Variants in CCDC60 observed in about 807,000 individuals in gnomAD.
CCDC60 encodes coiled-coil domain containing 60, also known as coiled-coil domain-containing protein 60.
Under a neutral mutation model 63.5 loss-of-function variants are expected in CCDC60, and 54 were observed. The ratio of observed to expected loss-of-function variants is 0.85; its 90% CI spans 0.68 to 1.07. The LOEUF (loss-of-function observed/expected upper bound fraction) is 1.07. CCDC60 is among the 50% of genes least tolerant of loss of function. CCDC60 has a pLI of 0.00. For synonymous variants in CCDC60, 206 were observed against 238.8 expected, an observed-to-expected ratio of 0.86 and a Z score of 1.27; for missense variants, 651 against 684.3, an observed-to-expected ratio of 0.95 and a Z score of 0.54.
At chr12:119,414,399 A>G (rs1488295989) in intron 1 of CCDC60, among the ~76,000 whole-genome samples, 2 of 151,924 alleles carry the variant, frequency 1.3e-5, no homozygotes, top group African/African-American at 4.8e-5. Flanking sequence ...TTCTCAGCAA[A>G]CCCTTCTTTA....
chr12:119,376,612 A>G (rs901580475), intron 1 of CCDC60, among the ~76,000 whole-genome samples: 1 of 152,180 alleles, frequency 6.6e-6, no homozygotes, highest in Non-Finnish European at 1.5e-5. Flanking sequence ...TGGGCAACAG[A>G]GTAAGACTTT....
intron 7 of CCDC60, among the ~76,000 whole-genome samples, chr12:119,511,699 A>C (rs1360168462): frequency 6.6e-6 from 1 of 152,170 alleles, no homozygotes; most frequent in Non-Finnish European, 1.5e-5. Flanking sequence ...ATATAATTTG[A>C]CATTTGGTGC....
intron 8 of CCDC60, among the ~76,000 whole-genome samples, chr12:119,519,403 G>GTGTA (rs1952440070): frequency 1.7e-4 from 4 of 23,530 alleles, no homozygotes; most frequent in Non-Finnish European, 2.7e-4. Flanking sequence ...TGATATATAT[G>GTGTA]TGTGTGTGTG....
intron 1 of CCDC60, among the ~76,000 whole-genome samples, chr12:119,392,644 G>A (rs1956180022): frequency 6.6e-6 from 1 of 152,154 alleles, no homozygotes; most frequent in African/African-American, 2.4e-5. Flanking sequence ...AGCACAAAGT[G>A]GTGCTCAATA....
chr12:119,352,703 G>A (rs1302664873), intron 1 of CCDC60, among the ~76,000 whole-genome samples: 8 of 152,072 alleles, frequency 5.3e-5, no homozygotes, highest in African/African-American at 1.7e-4. Context: ...TTGGGAGGCC[G>A]AAACAGGTGG....
intron 13 of CCDC60, among the ~76,000 whole-genome samples, chr12:119,535,913 T>C (rs1478049745): frequency 2.0e-5 from 3 of 152,210 alleles, no homozygotes; most frequent in Non-Finnish European, 4.4e-5. Flanking sequence ...TGGAGAGTTC[T>C]GTAGATGTCT....
At position 119,456,004 on chromosome 12, in the gene CCDC60, AAAG is replaced by A. The variant is rs1475005206; in HGVS notation, c.171-15987_171-15985del. 1.5e-5 allele frequency among the ~76,000 whole-genome samples: 1 copy of A among 66,648 alleles called. No individual in the cohort carries two copies. Among genetic ancestry groups the A allele is most frequent in the African/African-American group, 6.7e-5 (1 of 15,030 alleles). The allele number at this position is 66,648 out of a possible 152,430, so 43.7% of individuals were successfully genotyped here. A position where few individuals can be genotyped will look rare whatever the true frequency, so the allele number is the denominator to read the frequency against. The stretch of plus-strand genomic sequence containing the variant: ...GAGAGAGAAAGAGAGAGAGAAAGAG[AAAG>A]AAAGAAAGAAAGAAAGAAAGAAAGA... On this transcript the variant is annotated intron_variant, in intron 2 of 13. Transcript: ENST00000327554. This position sits in a 1 kb window ranked among gnomAD's most constrained non-coding sequence, Gnocchi z 4.6.
At chr12:119,368,948 G>A (rs4766940) in intron 1 of CCDC60, among the ~76,000 whole-genome samples, 110,422 of 152,024 alleles carry the variant, frequency 0.73, 40,520 homozygotes, top group East Asian at 0.9. Context: ...CTGAACTAAC[G>A]TCTAGAGAGG....
intron 2 of CCDC60, among the ~76,000 whole-genome samples, chr12:119,446,523 A>AT (rs1367133790): frequency 5.3e-5 from 8 of 152,208 alleles, no homozygotes. Context: ...CTATACAAAG[A>AT]TAAAAATAAA....
At chr12:119,529,072 T>C (rs986507825) in intron 12 of CCDC60, among the ~76,000 whole-genome samples, 6 of 152,136 alleles carry the variant, frequency 3.9e-5, no homozygotes, top group Non-Finnish European at 7.3e-5. Flanking sequence ...CCTGAAAATT[T>C]CTACAGATTC....
chr12:119,500,278 C>T, intron 6 of CCDC60, 110 bp downstream of exon 6: 1 of 740,404 alleles, frequency 1.4e-6, no homozygotes, highest in Non-Finnish European at 2.3e-6. Context: ...CTAGTTGGTT[C>T]TCGGAGTGAA....
chr12:119,537,158 T>G (rs1953027181), intron 13 of CCDC60, among the ~76,000 whole-genome samples: 1 of 152,230 alleles, frequency 6.6e-6, no homozygotes, highest in Non-Finnish European at 1.5e-5. Context: ...TTTCATTAAT[T>G]TGATCTTCAA....
At chr12:119,533,740 GT>G (rs1265385415) in intron 13 of CCDC60, among the ~76,000 whole-genome samples, 1 of 151,994 alleles carries the variant, frequency 6.6e-6, no homozygotes, top group Non-Finnish European at 1.5e-5. Flanking sequence ...GATGTGTGGT[GT>G]TTTTTCTGAG....
At chr12:119,527,284 G>T (rs1312569997) in intron 11 of CCDC60, among the ~76,000 whole-genome samples, 1 of 151,956 alleles carries the variant, frequency 6.6e-6, no homozygotes, top group Non-Finnish European at 1.5e-5. Flanking sequence ...GTGGGAGGAG[G>T]GGGAGGAGCA....
rs565158486 is a variant in CCDC60 at position 119,448,297 on chromosome 12, A to C, written c.170+19535A>C. 3.9e-5 allele frequency among the ~76,000 whole-genome samples: 6 copies of C among 152,330 alleles called. No homozygotes were observed. In the South Asian group the frequency reaches 1.0e-3, roughly 26 times the overall value. On this transcript the variant is annotated intron_variant, in intron 2 of 13. Coordinates refer to ENST00000327554, the MANE Select transcript of CCDC60 (RefSeq NM_178499.5). Reference sequence around the variant, plus strand: ...AAGTGGTATATCTTAAATATAAACAAATTTATTTTAAAGAGGCGATGACTC... The same window carrying C: ...AAGTGGTATATCTTAAATATAAACACATTTATTTTAAAGAGGCGATGACTC...
chr12:119,471,918 C>G, intron 2 of CCDC60, 76 bp from the exon 3 acceptor site: 1 of 1,224,196 alleles, frequency 8.2e-7, no homozygotes, highest in South Asian at 1.4e-5. Flanking sequence ...CTTTCTTTCT[C>G]TCCTTCTCTT....
At chr12:119,438,015 T>G (rs1420994851) in intron 2 of CCDC60, among the ~76,000 whole-genome samples, 1 of 152,188 alleles carries the variant, frequency 6.6e-6, no homozygotes, top group African/African-American at 2.4e-5. Flanking sequence ...TAAACACAAC[T>G]GCACACCCCA....
At position 119,472,125 on chromosome 12, in the gene CCDC60, A is replaced by G; in HGVS notation, c.302A>G (p.Glu101Gly). Residue 101 changes from glutamate to glycine, a missense_variant, in exon 3 of 14, where the codon GAA (glutamate) becomes GGA (glycine). Physicochemically the swap from Glu to Gly is moderately conservative, Grantham distance 98 (BLOSUM62 -2). Transcript: ENST00000327554. ...EEERNKFQPA[E>G]KISEIHYGDT... ...GAAAGAAATAAATTCCAGCCAGCCG[A>G]AAAGATCTCAGAAATCCACTATGGG... 6.2e-7 allele frequency: 1 copy of G among 1,614,198 alleles called. No individual in the cohort carries two copies. The highest frequency in any genetic ancestry group is 8.5e-7 in the Non-Finnish European group (1 of 1,180,016).
chr12:119,397,755 C>T (rs866624245), intron 1 of CCDC60, among the ~76,000 whole-genome samples: 56 of 55,724 alleles, frequency 1.0e-3, no homozygotes, highest in African/African-American at 3.3e-3. Context: ...CCGGGTACCA[C>T]GGAGCAGGGG....
Sources: gnomAD v4.1 joint callset for allele counts (sites outside exome capture counted in the v4.1 genomes callset) on GRCh38, gnomAD v4.1.1 for gene constraint, Gnocchi (gnomAD v3.1) non-coding constraint, MANE v1.5 for transcripts, NCBI Gene and HGNC (gene_info 2026-07-23, HGNC 2026-07-21) for gene names.